CACNA1C: variants seen among roughly 807,000 people sequenced by gnomAD.
CACNA1C encodes the protein voltage-dependent L-type calcium channel subunit alpha-1C.
CACNA1C carries 30 observed loss-of-function variants against 229.0 expected under a neutral mutation model. The observed-to-expected ratio is 0.13, with a 90% confidence interval of 0.10 to 0.18. The LOEUF (loss-of-function observed/expected upper bound fraction) is 0.18, where lower values mean the gene tolerates loss of function less well. CACNA1C is among the 10% of genes least tolerant of loss of function. The probability of loss-of-function intolerance (pLI) is 1.00; values close to 1 mark genes in which losing one functional copy is unlikely to be tolerated. For missense variants in CACNA1C, 1,658 were observed against 2,845.0 expected, an observed-to-expected ratio of 0.58 and a Z score of 9.49; for synonymous variants, 1,114 against 1,132.5, an observed-to-expected ratio of 0.98 and a Z score of 0.33.
intron 3 of CACNA1C, among the ~76,000 whole-genome samples, chr12:2,203,531 C>T (rs543855588): frequency 5.7e-4 from 87 of 152,304 alleles, no homozygotes; most frequent in African/African-American, 2.1e-3. Context: ...TGCTCTGGGC[C>T]TCTGTTACAG....
At chr12:2,588,261 C>T (rs2063452345) in intron 18 of CACNA1C, among the ~76,000 whole-genome samples, 1 of 152,256 alleles carries the variant, frequency 6.6e-6, no homozygotes, top group Non-Finnish European at 1.5e-5. Context: ...AACCGCTGCC[C>T]CTTCCAGGCC....
intron 30 of CACNA1C, among the ~76,000 whole-genome samples, chr12:2,642,793 G>T (rs1314718248): frequency 6.6e-6 from 1 of 152,208 alleles, no homozygotes; most frequent in Non-Finnish European, 1.5e-5. Flanking sequence ...GTGGAGGTTG[G>T]TTGGTTTGTT....
At chr12:2,554,527 A>G (rs1273210186) in intron 10 of CACNA1C, among the ~76,000 whole-genome samples, 2 of 152,122 alleles carry the variant, frequency 1.3e-5, no homozygotes, top group Non-Finnish European at 2.9e-5. Context: ...GATTGTGAAG[A>G]TCGGTAGCAG....
intron 3 of CACNA1C, chr12:2,288,092 C>A (rs1234862146): frequency 6.6e-6 from 1 of 151,996 alleles, no homozygotes; most frequent in Admixed American, 6.6e-5. Flanking sequence ...TCAAAGGGAA[C>A]CGAGCCCTGC....
chr12:2,322,417 G>A (rs2096053987), intron 3 of CACNA1C, among the ~76,000 whole-genome samples: 1 of 152,194 alleles, frequency 6.6e-6, no homozygotes, highest in African/African-American at 2.4e-5. Context: ...CTGCCACCGT[G>A]GGAGACTCCC....
At chr12:2,667,273 A>T (rs1468874) in intron 37 of CACNA1C, among the ~76,000 whole-genome samples, 1 of 145,340 alleles carries the variant, frequency 6.9e-6, no homozygotes, top group African/African-American at 2.8e-5. Flanking sequence ...CCCCTCCACC[A>T]TGGCCACTCC....
intron 3 of CACNA1C, among the ~76,000 whole-genome samples, chr12:2,194,805 G>C (rs139132823): frequency 5.3e-5 from 8 of 152,124 alleles, no homozygotes; most frequent in Non-Finnish European, 1.0e-4. Flanking sequence ...CTGGGTTTCT[G>C]GCCTCAGAGG....
chr12:2,321,057 G>C (rs1410806272), intron 3 of CACNA1C, among the ~76,000 whole-genome samples: 1 of 152,238 alleles, frequency 6.6e-6, no homozygotes, highest in Admixed American at 6.5e-5. Flanking sequence ...TACAGTTGCT[G>C]CATTATGGAA....
intron 11 of CACNA1C, among the ~76,000 whole-genome samples, chr12:2,557,331 A>G (rs959850121): frequency 1.3e-5 from 2 of 152,194 alleles, no homozygotes; most frequent in African/African-American, 4.8e-5. Flanking sequence ...TGTTTATAGA[A>G]CATGGTGAGA....
At chr12:2,421,662 C>T (rs987799701) in intron 3 of CACNA1C, among the ~76,000 whole-genome samples, 1 of 152,194 alleles carries the variant, frequency 6.6e-6, no homozygotes, top group Non-Finnish European at 1.5e-5. Context: ...CCTGTAATCC[C>T]AGCGTTTTGG....
At chr12:2,390,036 G>A (rs569933174) in intron 3 of CACNA1C, among the ~76,000 whole-genome samples, 9 of 152,280 alleles carry the variant, frequency 5.9e-5, no homozygotes, top group South Asian at 4.1e-4. Flanking sequence ...TCATAGAGTC[G>A]TTGCACCTTA....
intron 3 of CACNA1C, among the ~76,000 whole-genome samples, chr12:2,170,773 G>A (rs1210510960): frequency 6.6e-6 from 1 of 152,218 alleles, no homozygotes; most frequent in African/African-American, 2.4e-5. Context: ...GGAAGTTGAG[G>A]ACACGTTACC....
intron 42 of CACNA1C, among the ~76,000 whole-genome samples, chr12:2,681,419 G>A (rs776036736): frequency 1.4e-4 from 22 of 151,924 alleles, no homozygotes; most frequent in Non-Finnish European, 2.5e-4. Context: ...TTGGTGAAGA[G>A]GAGGAGCATA....
Position 2,287,301 on chromosome 12 carries a change from T to C in CACNA1C, c.478-161675T>C, listed in dbSNP as rs1001011351. 6.6e-6 allele frequency among the ~76,000 whole-genome samples: 1 copy of C among 152,226 alleles called. No homozygotes were observed. The highest frequency in any genetic ancestry group is 2.1e-4 in the South Asian group (1 of 4,830). ...GAGTCATTCCTGCTCGTCTGGATTG[T>C]GATTGCGACCCGTGCCTCATGGAGT... On this transcript the variant is annotated intron_variant, in intron 3 of 46. Transcript: ENST00000399655. The surrounding 1 kb of genome is among the most constrained non-coding windows in gnomAD (Gnocchi z 4.6).
chr12:2,571,481 A>G (rs921402909), intron 13 of CACNA1C, among the ~76,000 whole-genome samples: 6 of 152,234 alleles, frequency 3.9e-5, no homozygotes, highest in Non-Finnish European at 7.3e-5. Flanking sequence ...ATATTTCTAT[A>G]GAAAAGAAAT....
intron 3 of CACNA1C, among the ~76,000 whole-genome samples, chr12:2,382,317 A>G (rs1490658469): frequency 6.6e-6 from 1 of 152,266 alleles, no homozygotes; most frequent in Non-Finnish European, 1.5e-5. Flanking sequence ...CTGGTAATCC[A>G]CTAGATTTTG....
At chr12:2,314,654 G>A (rs890352351) in intron 3 of CACNA1C, among the ~76,000 whole-genome samples, 2 of 152,172 alleles carry the variant, frequency 1.3e-5, no homozygotes, top group African/African-American at 4.8e-5. Flanking sequence ...ATCCATGCCT[G>A]TAGTTTTAAA....
rs892191614 is a variant in CACNA1C, at chr12:2,608,250, C to T, written c.3357-261C>T. Among the ~76,000 whole-genome samples the T allele has an allele frequency of 4.6e-5, 7 of 152,216 alleles. No homozygotes were observed. Among genetic ancestry groups the T allele is most frequent in the African/African-American group, 1.7e-4 (7 of 41,460 alleles). ...GCTCTTCACAGTTTCAAAACACCTT[C>T]CTATACATTATTCTAACTACCCTGC... is the stretch of plus-strand genomic sequence containing the variant. On this transcript the variant is annotated intron_variant, in intron 26 of 46. Transcript: ENST00000399655. This position sits in a 1 kb window ranked among gnomAD's most constrained non-coding sequence, Gnocchi z 4.2.
rs2092484282 is a variant in CACNA1C at position 2,285,437 on chromosome 12, G to A, written c.478-163539G>A. 1.3e-5 allele frequency among the ~76,000 whole-genome samples: 2 copies of A among 152,224 alleles called. No individual in the cohort carries two copies. The highest frequency in any genetic ancestry group is 2.9e-5 in the Non-Finnish European group (2 of 68,040). On this transcript the variant is annotated intron_variant, in intron 3 of 46. Transcript: ENST00000399655. This position sits in a 1 kb window ranked among gnomAD's most constrained non-coding sequence, Gnocchi z 4.2. The stretch of plus-strand genomic sequence containing the variant: ...CTTGTGAAGGTGACGTAGGGCTGCA[G>A]GGAGAGCCCAGGTAGTGGAGGAAAT...
Sources: allele counts gnomAD v4.1 joint callset (sites outside exome capture counted in the v4.1 genomes callset), GRCh38; gene constraint gnomAD v4.1.1; non-coding constraint Gnocchi (gnomAD v3.1); transcripts MANE v1.5; gene names NCBI Gene and HGNC (gene_info 2026-07-23, HGNC 2026-07-21).